The following MTMR2 variants were observed in gnomAD, a reference collection of about 807,000 sequenced individuals.
The protein encoded by MTMR2 is phosphatidylinositol-3,5-bisphosphate 3-phosphatase MTMR2.
In MTMR2, 55 loss-of-function variants were observed where a neutral mutation model predicts 86.9. The ratio of observed to expected loss-of-function variants is 0.63; its 90% CI spans 0.51 to 0.79. The LOEUF (loss-of-function observed/expected upper bound fraction) is 0.79. Ranked by LOEUF, MTMR2 falls within the 30% of genes least tolerant of loss-of-function variation. The pLI is 0.00. For synonymous variants in MTMR2, 241 were observed against 266.8 expected, an observed-to-expected ratio of 0.90 and a Z score of 0.94; for missense variants, 659 against 772.3, an observed-to-expected ratio of 0.85 and a Z score of 1.74.
In MTMR2 at chr11:95,923,987, A is replaced by C. The variant is rs766853120; in HGVS notation, c.-33T>G. 3 of 1,551,840 alleles carry C rather than the reference A, an allele frequency of 1.9e-6. No individual in the cohort carries two copies. Among genetic ancestry groups the C allele is most frequent in the South Asian group, 2.4e-5 (2 of 84,182 alleles). On this transcript the variant is annotated 5_prime_UTR_variant, in exon 1 of 15. Transcript: ENST00000346299. ...CAGGGGCAGCACAGGGAAAGGCTGAAGCAGTCTTCGCGGCTACAGGGCGGG... is the reference window on the plus strand; with the variant it reads ...CAGGGGCAGCACAGGGAAAGGCTGACGCAGTCTTCGCGGCTACAGGGCGGG...
intron 1 of MTMR2, chr11:95,907,877 G>A (rs1357386911): frequency 2.2e-6 from 1 of 444,672 alleles, no homozygotes; most frequent in African/African-American, 2.0e-5. Flanking sequence ...AATAGTGAGA[G>A]CTACAGCCAA....
chr11:95,914,194 A>G (rs1393291048), intron 1 of MTMR2: 16 of 978,890 alleles, frequency 1.6e-5, no homozygotes, highest in Middle Eastern at 1.0e-3. Context: ...ACTGTTGGCA[A>G]TATTAACTTT....
intron 9 of MTMR2, among the ~76,000 whole-genome samples, chr11:95,848,609 T>C (rs181984516): frequency 7.1e-4 from 108 of 152,316 alleles, no homozygotes; most frequent in African/African-American, 2.5e-3. Context: ...TTCTATCTCC[T>C]ACCTAACTCG....
rs531660461 is a variant in MTMR2, at chr11:95,906,098, G to A, written c.80+17777C>T. 8.5e-5 allele frequency among the ~76,000 whole-genome samples: 13 copies of A among 152,178 alleles called. No individual in the cohort carries two copies. The South Asian group carries it at 1.2e-3, about 15-fold the overall frequency. ...AAGTTAGCCAGGTGTGGTGGCACAC[G>A]CCTGTAATCTTAGTTATTCAGGAGG... On this transcript the variant is annotated intron_variant, in intron 1 of 14. Coordinates refer to ENST00000346299, the MANE Select transcript of MTMR2 (RefSeq NM_016156.6).
At chr11:95,915,387 C>A (rs777816453) in intron 1 of MTMR2, among the ~76,000 whole-genome samples, 1 of 152,038 alleles carries the variant, frequency 6.6e-6, no homozygotes, top group African/African-American at 2.4e-5. Flanking sequence ...CTATTAAATC[C>A]TCAGAGCCTG....
chr11:95,868,293 A>G (rs989211046), intron 2 of MTMR2, among the ~76,000 whole-genome samples: 1 of 131,368 alleles, frequency 7.6e-6, no homozygotes, highest in Non-Finnish European at 1.8e-5. Flanking sequence ...AAAAAAAAAA[A>G]AAAAAAAAGA....
At chr11:95,875,665 G>A (rs1178400625) in intron 2 of MTMR2, among the ~76,000 whole-genome samples, 1 of 152,210 alleles carries the variant, frequency 6.6e-6, no homozygotes, top group Non-Finnish European at 1.5e-5. Context: ...TGGAGGAGGA[G>A]AGGTGCTCTT....
intron 1 of MTMR2, among the ~76,000 whole-genome samples, chr11:95,890,731 T>A (rs1424151494): frequency 1.3e-5 from 2 of 152,164 alleles, no homozygotes; most frequent in East Asian, 3.9e-4. Flanking sequence ...TCTCTACCTC[T>A]GGAATTCTTG....
At chr11:95,879,252 G>T (rs1865236370) in intron 2 of MTMR2, among the ~76,000 whole-genome samples, 1 of 152,136 alleles carries the variant, frequency 6.6e-6, no homozygotes. Flanking sequence ...AGTGGGGAAA[G>T]CAAGGGATGA....
intron 1 of MTMR2, among the ~76,000 whole-genome samples, chr11:95,919,467 G>T (rs1180447486): frequency 6.6e-6 from 1 of 151,828 alleles, no homozygotes; most frequent in African/African-American, 2.4e-5. Context: ...AAATAATCTG[G>T]GATAAACAAG....
At chr11:95,913,337 CACA>C (rs1008412099) in intron 1 of MTMR2, among the ~76,000 whole-genome samples, 2 of 152,064 alleles carry the variant, frequency 1.3e-5, no homozygotes, top group African/African-American at 4.8e-5. Context: ...AGAGGAAAAC[CACA>C]ACCTTTCCTG....
Position 95,904,269 on chromosome 11 carries a change from A to G in MTMR2, c.81-16008T>C, listed in dbSNP as rs190567939. ...TTTCCCTCTCTACTCAATCTCGCTA[A>G]TCAGCATAGAAACAAAGTATTATTT... is the stretch of plus-strand genomic sequence containing the variant. On this transcript the variant is annotated intron_variant, in intron 1 of 14. Transcript: ENST00000346299. 5.9e-4 allele frequency among the ~76,000 whole-genome samples: 90 copies of G among 152,318 alleles called. 2 individuals are homozygous for G. Among genetic ancestry groups the G allele is most frequent in the Admixed American group, 4.7e-3 (72 of 15,290 alleles).
At chr11:95,847,432 C>T (rs544514742) in intron 10 of MTMR2, among the ~76,000 whole-genome samples, 1 of 152,108 alleles carries the variant, frequency 6.6e-6, no homozygotes, top group African/African-American at 2.4e-5. Flanking sequence ...CTGGGAAGAC[C>T]TTATGGAAGA....
chr11:95,906,810 A>G (rs1252244034), intron 1 of MTMR2, among the ~76,000 whole-genome samples: 1 of 152,220 alleles, frequency 6.6e-6, no homozygotes, highest in Non-Finnish European at 1.5e-5. Context: ...ACAGAAATCA[A>G]GAAATTATTT....
At chr11:95,854,744 G>A (rs1249995024) in intron 7 of MTMR2, among the ~76,000 whole-genome samples, 1 of 151,794 alleles carries the variant, frequency 6.6e-6, no homozygotes, top group Non-Finnish European at 1.5e-5. Flanking sequence ...GGGGTCACAG[G>A]TGTGAACCAC....
rs563585213 is a variant in MTMR2 at position 95,896,322 on chromosome 11, G to GT, written c.81-8062dup. Among the ~76,000 whole-genome samples, 729 of 144,498 alleles carry GT rather than the reference G, an allele frequency of 5.0e-3. 3 individuals carry two copies. Among genetic ancestry groups the GT allele is most frequent in the Middle Eastern group, 0.029 (8 of 278 alleles). 94.8% of individuals were successfully genotyped at this position (144,498 alleles called of 152,430 possible). A position where few individuals can be genotyped will look rare whatever the true frequency, so the allele number is the denominator to read the frequency against. The stretch of plus-strand genomic sequence containing the variant: ...TTAATGATTTTTTTTTGTTTTTTTG[G>GT]TTTTTTTTTTTGAGGCAGGGTCTTC... On this transcript the variant is annotated intron_variant, in intron 1 of 14. Coordinates refer to ENST00000346299, the MANE Select transcript of MTMR2 (RefSeq NM_016156.6).
chr11:95,843,540 G>GA (rs2135422251), intron 11 of MTMR2, among the ~76,000 whole-genome samples: 1 of 152,196 alleles, frequency 6.6e-6, no homozygotes, highest in African/African-American at 2.4e-5. Context: ...ACAATTCCCT[G>GA]AAAAAGCTAT....
At chr11:95,852,134 T>C (rs1238309569) in intron 7 of MTMR2, among the ~76,000 whole-genome samples, 1 of 152,220 alleles carries the variant, frequency 6.6e-6, no homozygotes, top group African/African-American at 2.4e-5. Context: ...ACTGAGCATC[T>C]ACTATGTGTA....
chr11:95,859,234 A>G (rs557203967), intron 5 of MTMR2, among the ~76,000 whole-genome samples: 38 of 152,264 alleles, frequency 2.5e-4, no homozygotes, highest in African/African-American at 8.9e-4. Flanking sequence ...TTCTTCCACC[A>G]TCTACTGACA....
Sources: gnomAD v4.1 joint callset for allele counts (sites outside exome capture counted in the v4.1 genomes callset) on GRCh38, gnomAD v4.1.1 for gene constraint, MANE v1.5 for transcripts, NCBI Gene and HGNC (gene_info 2026-07-23, HGNC 2026-07-21) for gene names.